The following NRP2 variants were observed in gnomAD, a reference collection of about 807,000 sequenced individuals.
NRP2 encodes neuropilin-2.
Under a neutral mutation model 110.4 loss-of-function variants are expected in NRP2, and 52 were observed. That is an observed-to-expected ratio of 0.47 (90% CI 0.38 to 0.59). NRP2 has a LOEUF of 0.59. Among genes scored for constraint, NRP2 ranks in the 20% least tolerant of loss-of-function variants. NRP2 has a pLI of 0.00. For missense variants in NRP2, 1,049 were observed against 1,203.0 expected (o/e 0.87, Z 1.89); for synonymous variants, 508 against 468.9 (o/e 1.08, Z -1.08).
At chr2:205,702,680 C>A (rs1316998516) in intron 2 of NRP2, among the ~76,000 whole-genome samples, 4 of 152,304 alleles carry the variant, frequency 2.6e-5, no homozygotes, top group African/African-American at 7.2e-5. Context: ...ATAACCTGAT[C>A]ATAGTAAACA....
rs565158654 is a variant in NRP2 at position 205,695,340 on chromosome 2, G to A, written c.74-2204G>A. ...AGAAATGATCACTTCTGCTGTAGAT[G>A]AGAAATTAAACCTTCCTGCGAAGAA... On this transcript the variant is annotated intron_variant, in intron 1 of 16. Transcript: ENST00000357785. Among the ~76,000 whole-genome samples, 545 of 152,304 alleles carry A rather than the reference G, an allele frequency of 3.6e-3. 2 individuals carry two copies. Among genetic ancestry groups the A allele is most frequent in the Non-Finnish European group, 5.9e-3 (400 of 68,024 alleles).
intron 12 of NRP2, among the ~76,000 whole-genome samples, chr2:205,759,019 G>T (rs2057779636): frequency 6.6e-6 from 1 of 152,118 alleles, no homozygotes; most frequent in Non-Finnish European, 1.5e-5. Context: ...CCATAAATCG[G>T]GAGATTCCAG....
Position 205,749,420 on chromosome 2 carries a change from G to A in NRP2, c.1787-305G>A, listed in dbSNP as rs181914582. 4.6e-5 allele frequency among the ~76,000 whole-genome samples: 7 copies of A among 152,226 alleles called. No individual in the cohort carries two copies. In the East Asian group the frequency reaches 7.7e-4, roughly 17 times the overall value. On this transcript the variant is annotated intron_variant, in intron 10 of 16. Coordinates refer to ENST00000357785, the MANE Select transcript of NRP2 (RefSeq NM_003872.3). ...TTGGTCCTTCCTTGGAGTCAGCGTC[G>A]CCTGTAGCCCCCTCCATTATTGTCT...
chr2:205,751,494 A>G (rs753660023), intron 11 of NRP2, among the ~76,000 whole-genome samples: 9 of 152,180 alleles, frequency 5.9e-5, no homozygotes, highest in Non-Finnish European at 1.3e-4. Context: ...CTAAGGGCTG[A>G]CTTTTCCAAG....
At chr2:205,791,170 C>A (rs548641860) in intron 15 of NRP2, among the ~76,000 whole-genome samples, 4 of 152,250 alleles carry the variant, frequency 2.6e-5, no homozygotes, top group African/African-American at 4.8e-5. Context: ...GTCTAAAGTT[C>A]TTTTTCTCCC....
chr2:205,762,604 T>A (rs1049870317), intron 12 of NRP2: 73 of 152,326 alleles, frequency 4.8e-4, no homozygotes, highest in African/African-American at 1.7e-3. Flanking sequence ...CATTCCATGC[T>A]GCATATGTGG....
At chr2:205,779,516 T>C (rs1386702392) in intron 15 of NRP2, 2 of 152,198 alleles carry the variant, frequency 1.3e-5, no homozygotes, top group Non-Finnish European at 1.5e-5. Flanking sequence ...AACACCTAAA[T>C]AATCGAAAAT....
chr2:205,787,748 G>C (rs1384352991), intron 15 of NRP2, among the ~76,000 whole-genome samples: 1 of 151,654 alleles, frequency 6.6e-6, no homozygotes, highest in Non-Finnish European at 1.5e-5. Flanking sequence ...GTGTGTGTGT[G>C]TGTGTGTCAG....
chr2:205,722,813 C>A, intron 4 of NRP2, 105 bp downstream of exon 4: 1 of 875,232 alleles, frequency 1.1e-6, no homozygotes, highest in African/African-American at 1.7e-5. Context: ...CCTATGAGTT[C>A]TTATATGACC....
rs2056179036 is a variant in NRP2 at position 205,686,852 on chromosome 2, G to A, written c.73+3489G>A. Among the ~76,000 whole-genome samples the A allele has an allele frequency of 6.6e-6, 1 of 152,296 alleles. No homozygotes were observed. The highest frequency in any genetic ancestry group is 1.9e-4 in the East Asian group (1 of 5,180). On this transcript the variant is annotated intron_variant, in intron 1 of 16. Coordinates refer to ENST00000357785, the MANE Select transcript of NRP2 (RefSeq NM_003872.3). The surrounding 1 kb of genome is among the most constrained non-coding windows in gnomAD (Gnocchi z 4.7). Reference sequence around the variant, plus strand: ...CTGTTCTTTCGGTTTCAGACAGAGAGGAGAGCCCCCTGGCGCTAGCCATTC... The same window carrying A: ...CTGTTCTTTCGGTTTCAGACAGAGAAGAGAGCCCCCTGGCGCTAGCCATTC...
chr2:205,776,764 G>A lies in NRP2; in HGVS notation c.2425+9961G>A, dbSNP rs560390017. 3 of 1,435,556 alleles carry A rather than the reference G, an allele frequency of 2.1e-6. No homozygotes were observed. In the Admixed American group the frequency reaches 7.2e-5, roughly 34 times the overall value. The allele number at this position is 1,435,556 out of a possible 1,614,324, so 88.9% of individuals were successfully genotyped here. A position where few individuals can be genotyped will look rare whatever the true frequency, so the allele number is the denominator to read the frequency against. On this transcript the variant is annotated intron_variant, in intron 15 of 16. Transcript: ENST00000357785. ...AACCAACAAACCCAACTCTAATGCT[G>A]CATCTTGGACTATCCGAAGAGATCC...
intron 15 of NRP2, among the ~76,000 whole-genome samples, chr2:205,769,384 G>A (rs530062980): frequency 1.1e-4 from 16 of 152,072 alleles, no homozygotes; most frequent in African/African-American, 2.4e-4. Context: ...TTAGATGGTC[G>A]CAATCTTTTA....
intron 7 of NRP2, among the ~76,000 whole-genome samples, chr2:205,730,281 G>A (rs559937117): frequency 1.3e-5 from 2 of 151,288 alleles, no homozygotes; most frequent in African/African-American, 2.4e-5. Flanking sequence ...TCTCTGGGCT[G>A]TTGGGGTTGA....
chr2:205,695,526 G>A (rs1231193323), intron 1 of NRP2, among the ~76,000 whole-genome samples: 1 of 152,102 alleles, frequency 6.6e-6, no homozygotes, highest in Non-Finnish European at 1.5e-5. Flanking sequence ...GGTAGGGAGA[G>A]TGGAGAGTAT....
At chr2:205,782,677 G>A (rs1027235556) in intron 15 of NRP2, among the ~76,000 whole-genome samples, 2 of 152,174 alleles carry the variant, frequency 1.3e-5, no homozygotes, top group African/African-American at 2.4e-5. Context: ...TGGTAGCACA[G>A]TGTTTGCTTA....
chr2:205,794,120 A>AT (rs1426774501), intron 16 of NRP2, among the ~76,000 whole-genome samples: 1 of 152,056 alleles, frequency 6.6e-6, no homozygotes, highest in Non-Finnish European at 1.5e-5. Context: ...TTATTTATTT[A>AT]TTTTTTTGGA....
intron 11 of NRP2, among the ~76,000 whole-genome samples, chr2:205,751,142 G>A (rs1043876272): frequency 1.3e-5 from 2 of 152,140 alleles, no homozygotes; most frequent in African/African-American, 4.8e-5. Flanking sequence ...AATGCATAGG[G>A]AGTTAACATA....
intron 2 of NRP2, among the ~76,000 whole-genome samples, chr2:205,703,207 G>A (rs902484820): frequency 6.6e-6 from 1 of 152,092 alleles, no homozygotes; most frequent in African/African-American, 2.4e-5. Flanking sequence ...TGTCCCTCTG[G>A]GAATATGACA....
intron 2 of NRP2, among the ~76,000 whole-genome samples, chr2:205,705,580 A>G (rs1373769284): frequency 6.6e-6 from 1 of 152,084 alleles, no homozygotes; most frequent in African/African-American, 2.4e-5. Context: ...ACGTGGAGGA[A>G]CTCTCAAAAT....
Sources: allele counts gnomAD v4.1 joint callset (sites outside exome capture counted in the v4.1 genomes callset), GRCh38; gene constraint gnomAD v4.1.1; non-coding constraint Gnocchi (gnomAD v3.1); transcripts MANE v1.5; gene names NCBI Gene and HGNC (gene_info 2026-07-23, HGNC 2026-07-21).